Variants in IL1RAPL1 observed in about 807,000 individuals in gnomAD.
The protein encoded by IL1RAPL1 is interleukin 1 receptor accessory protein like 1.
IL1RAPL1 carries 3 observed loss-of-function variants against 48.4 expected under a neutral mutation model. That is an observed-to-expected ratio of 0.06 (90% CI 0.03 to 0.16). The LOEUF is 0.16. Ranked by LOEUF, IL1RAPL1 falls within the 10% of genes least tolerant of loss-of-function variation. The probability of loss-of-function intolerance (pLI) is 1.00; values close to 1 mark genes in which losing one functional copy is unlikely to be tolerated. For synonymous variants in IL1RAPL1, 185 were observed against 187.7 expected (o/e 0.99, Z 0.12); for missense variants, 349 against 530.6 (o/e 0.66, Z 3.36).
chrX:29,069,662 CA>C (rs1927523098), intron 2 of IL1RAPL1, among the ~76,000 whole-genome samples: 1 of 109,912 alleles, frequency 9.1e-6, no homozygotes, highest in African/African-American at 3.3e-5. Flanking sequence ...CACACACACA[CA>C]CACACACCCC....
chrX:28,825,561 T>C (rs915743595), intron 2 of IL1RAPL1, among the ~76,000 whole-genome samples: 1 of 111,397 alleles, frequency 9.0e-6, no homozygotes, highest in African/African-American at 3.3e-5. Flanking sequence ...AATTTTTCTT[T>C]TTACTGTTGC....
At chrX:29,903,805 C>T (rs1932550957) in intron 6 of IL1RAPL1, among the ~76,000 whole-genome samples, 1 of 111,572 alleles carries the variant, frequency 9.0e-6, no homozygotes, top group African/African-American at 3.3e-5. Context: ...CCTTCTGAAC[C>T]TGTTGAGGTT....
intron 6 of IL1RAPL1, among the ~76,000 whole-genome samples, chrX:29,737,856 GTAA>G (rs1341659667): frequency 1.8e-5 from 2 of 112,019 alleles, no homozygotes; most frequent in Non-Finnish European, 3.8e-5. Flanking sequence ...TTTAAGAAAT[GTAA>G]TAATATGCAT....
intron 2 of IL1RAPL1, among the ~76,000 whole-genome samples, chrX:28,927,269 C>G (rs540573026): frequency 3.5e-4 from 39 of 111,663 alleles, no homozygotes; most frequent in African/African-American, 1.1e-3. Context: ...TCATGTCCAG[C>G]CTTTCCACTT....
At chrX:29,186,784 A>C (rs1031048688) in intron 2 of IL1RAPL1, among the ~76,000 whole-genome samples, 8 of 111,881 alleles carry the variant, frequency 7.2e-5, no homozygotes, top group Non-Finnish European at 1.1e-4. Flanking sequence ...ATGCAAGAGA[A>C]ATTTTTAAAA....
chrX:28,742,068 C>A (rs1404854436), intron 1 of IL1RAPL1, among the ~76,000 whole-genome samples: 1 of 111,054 alleles, frequency 9.0e-6, no homozygotes, highest in Admixed American at 9.6e-5. Flanking sequence ...GAGTTCTCTG[C>A]GCAGACTGGC....
At chrX:29,141,526 T>C (rs1388530751) in intron 2 of IL1RAPL1, among the ~76,000 whole-genome samples, 1 of 111,784 alleles carries the variant, frequency 8.9e-6, no homozygotes, top group African/African-American at 3.2e-5. Context: ...TTATTTTCCA[T>C]AGAATTAATC....
intron 1 of IL1RAPL1, among the ~76,000 whole-genome samples, chrX:28,750,371 G>T (rs1229541338): frequency 9.0e-6 from 1 of 111,707 alleles, no homozygotes; most frequent in African/African-American, 3.3e-5. Context: ...AGGTACCATT[G>T]TTTATAAATA....
At chrX:29,675,829 T>C (rs1283017681) in intron 6 of IL1RAPL1, among the ~76,000 whole-genome samples, 1 of 112,203 alleles carries the variant, frequency 8.9e-6, no homozygotes, top group African/African-American at 3.2e-5. Context: ...GATCTCGTGA[T>C]CTACCCACCT....
intron 5 of IL1RAPL1, among the ~76,000 whole-genome samples, chrX:29,471,831 C>T (rs1289448045): frequency 9.0e-6 from 1 of 111,397 alleles, no homozygotes; most frequent in Non-Finnish European, 1.9e-5. Flanking sequence ...TGGTTTCTTT[C>T]ACTTATCATC....
chrX:29,467,466 G>C (rs937527814), intron 5 of IL1RAPL1, among the ~76,000 whole-genome samples: 1 of 112,439 alleles, frequency 8.9e-6, no homozygotes, highest in South Asian at 3.7e-4. Context: ...ACTTGCGAAG[G>C]GGTCGCTCAC....
At chrX:29,601,981 G>A (rs1364436232) in intron 5 of IL1RAPL1, among the ~76,000 whole-genome samples, 2 of 111,683 alleles carry the variant, frequency 1.8e-5, no homozygotes, top group Non-Finnish European at 3.8e-5. Context: ...TTTTTTGTTT[G>A]TTTGTTTTTT....
intron 6 of IL1RAPL1, among the ~76,000 whole-genome samples, chrX:29,852,140 A>C (rs1931382134): frequency 8.9e-6 from 1 of 112,765 alleles, no homozygotes. Context: ...GAAGTGGTGA[A>C]TGTTAAGCCA....
intron 1 of IL1RAPL1, among the ~76,000 whole-genome samples, chrX:28,781,938 A>G (rs1358769486): frequency 8.9e-6 from 1 of 111,955 alleles, no homozygotes; most frequent in Non-Finnish European, 1.9e-5. Context: ...TCCTTTCTCT[A>G]TAATTATATA....
At chrX:29,482,690 A>G (rs1935053420) in intron 5 of IL1RAPL1, among the ~76,000 whole-genome samples, 1 of 112,069 alleles carries the variant, frequency 8.9e-6, no homozygotes, top group Non-Finnish European at 1.9e-5. Context: ...TCATACATTT[A>G]TGTCATTCCA....
intron 2 of IL1RAPL1, among the ~76,000 whole-genome samples, chrX:28,836,373 A>AT (rs1569183041): frequency 6.4e-5 from 6 of 94,026 alleles, no homozygotes; most frequent in African/African-American, 3.1e-4. Context: ...TGACAGAGAG[A>AT]GAGAGAGAGA....
intron 2 of IL1RAPL1, among the ~76,000 whole-genome samples, chrX:29,099,729 A>G (rs1218935751): frequency 1.8e-5 from 2 of 112,223 alleles, no homozygotes; most frequent in African/African-American, 6.5e-5. Context: ...ACTTTTCAGA[A>G]TGAAAGTTGG....
chrX:28,807,605 C>G (rs182877853), intron 2 of IL1RAPL1, among the ~76,000 whole-genome samples: 37 of 111,212 alleles, frequency 3.3e-4, no homozygotes, highest in Admixed American at 1.1e-3. Flanking sequence ...GCTGTTCCAT[C>G]ATGACTTAAA....
chrX:28,914,954 A>G lies in IL1RAPL1; in HGVS notation c.82+125529A>G, dbSNP rs370694581. 7.1e-5 allele frequency among the ~76,000 whole-genome samples: 8 copies of G among 112,316 alleles called. No homozygotes were observed. The East Asian group carries it at 2.2e-3, about 31-fold the overall frequency. The stretch of plus-strand genomic sequence containing the variant: ...ATCCAGGTTTTACAGTGAAAACTGT[A>G]GATCAGTGGCCCCCAACCTTTTTGG... On this transcript the variant is annotated intron_variant, in intron 2 of 10. Transcript: ENST00000378993.
Sources: gnomAD v4.1 joint callset for allele counts (sites outside exome capture counted in the v4.1 genomes callset) on GRCh38, gnomAD v4.1.1 for gene constraint, MANE v1.5 for transcripts, NCBI Gene and HGNC (gene_info 2026-07-23, HGNC 2026-07-21) for gene names.